GLYATL2: variants seen among roughly 807,000 people sequenced by gnomAD.
GLYATL2 encodes glycine N-acyltransferase-like protein 2.
A neutral mutation model predicts 21.4 loss-of-function variants in GLYATL2; 25 were observed. The observed-to-expected ratio is 1.17, with a 90% CI of 0.85 to 1.63. GLYATL2 has a LOEUF of 1.63. Among genes scored for constraint, GLYATL2 ranks in the 40% most tolerant of loss-of-function variants. The pLI is 0.00. For synonymous variants in GLYATL2, 114 were observed against 118.2 expected (o/e 0.96, Z 0.23); for missense variants, 361 against 343.3 (o/e 1.05, Z -0.41).
upstream of GLYATL2, among the ~76,000 whole-genome samples, chr11:58,906,221 TG>T (rs1271583225): frequency 6.6e-6 from 1 of 152,150 alleles, no homozygotes; most frequent in Admixed American, 6.5e-5. Context: ...GATGGGGAGC[TG>T]GGCCCCGCCC....
intron 5 of GLYATL2, among the ~76,000 whole-genome samples, chr11:58,836,008 T>C (rs1853424372): frequency 1.3e-5 from 2 of 152,114 alleles, no homozygotes; most frequent in African/African-American, 4.8e-5. Flanking sequence ...ATTTTTTCAA[T>C]TAGTAATACA....
Position 58,838,351 on chromosome 11 carries a change from G to T in GLYATL2, c.96C>A (p.Phe32Leu). 1 of 1,611,930 alleles carries T rather than the reference G, an allele frequency of 6.2e-7. No individual in the cohort carries two copies. The highest frequency in any genetic ancestry group is 1.1e-5 in the South Asian group (1 of 90,998). The stretch of plus-strand genomic sequence containing the variant: ...TGAAAGGGTTTTTATCTTTTATGTT[G>T]AAAATGGCGCCATATACCTACGATG... ...PESIKVYGAI[F>L]NIKDKNPFNM... Residue 32 changes from phenylalanine to leucine, a missense_variant, in exon 3 of 6, where the codon TTC becomes TTA. Transcript: ENST00000287275.
At chr11:58,842,560 C>T (rs1486525174) in intron 1 of GLYATL2, among the ~76,000 whole-genome samples, 4 of 150,324 alleles carry the variant, frequency 2.7e-5, no homozygotes, top group African/African-American at 9.8e-5. Flanking sequence ...GGGTGGGTTC[C>T]TGCCTTGTGC....
upstream of GLYATL2, among the ~76,000 whole-genome samples, chr11:58,847,522 G>C (rs1278625253): frequency 6.6e-6 from 1 of 152,174 alleles, no homozygotes; most frequent in Non-Finnish European, 1.5e-5. Flanking sequence ...TGATTTAAGA[G>C]CCCTTAGGCC....
intron 1 of GLYATL2, among the ~76,000 whole-genome samples, chr11:58,850,306 T>A (rs1853716726): frequency 6.6e-6 from 1 of 152,120 alleles, no homozygotes; most frequent in Admixed American, 6.6e-5. Context: ...GGATGTTGAA[T>A]CTTATCAAAT....
At chr11:58,851,964 G>A (rs1156388731) in intron 1 of GLYATL2, among the ~76,000 whole-genome samples, 1 of 152,180 alleles carries the variant, frequency 6.6e-6, no homozygotes, top group African/African-American at 2.4e-5. Flanking sequence ...GCAGAATTTG[G>A]TCATTGATTG....
At chr11:58,859,388 T>C (rs1460823847) in intron 1 of GLYATL2, among the ~76,000 whole-genome samples, 1 of 151,898 alleles carries the variant, frequency 6.6e-6, no homozygotes, top group Non-Finnish European at 1.5e-5. Flanking sequence ...TTAAGATTAT[T>C]ATAAACTAGC....
At chr11:58,877,608 G>C (rs1341362133) in intron 1 of GLYATL2, among the ~76,000 whole-genome samples, 1 of 152,214 alleles carries the variant, frequency 6.6e-6, no homozygotes, top group Admixed American at 6.5e-5. Context: ...CCAAGAGAGT[G>C]TGCTGTCTTG....
intron 1 of GLYATL2, among the ~76,000 whole-genome samples, chr11:58,867,409 A>G (rs1223132182): frequency 6.7e-6 from 1 of 148,694 alleles, no homozygotes; most frequent in Non-Finnish European, 1.5e-5. Context: ...CCATTGGGTG[A>G]TAACATTAGA....
At chr11:58,857,699 G>A (rs1332310741) in intron 1 of GLYATL2, among the ~76,000 whole-genome samples, 1 of 152,022 alleles carries the variant, frequency 6.6e-6, no homozygotes, top group African/African-American at 2.4e-5. Context: ...CACTGGACTA[G>A]CACTTTTAAT....
At position 58,834,721 on chromosome 11, in the gene GLYATL2, T is replaced by C. The variant is rs765204400; in HGVS notation, c.593A>G (p.Asp198Gly). 6.2e-7 allele frequency: 1 copy of C among 1,613,708 alleles called. No homozygotes were observed. The highest frequency in any genetic ancestry group is 8.5e-7 in the Non-Finnish European group (1 of 1,179,984). Residue 198 changes from aspartate to glycine, a missense_variant, in exon 6 of 6, where the codon GAT (aspartate) becomes GGT (glycine). Physicochemically the swap from Asp to Gly is moderately conservative, Grantham distance 94. Transcript: ENST00000287275. ...ACCCAGCACACCAAATCCTAGAAAA[T>C]CCTGGAGGCAGCGTTCAATATATTT... ...SLKYIERCLQ[D>G]FLGFGVLGPE...
chr11:58,869,670 A>G (rs1854083082), intron 1 of GLYATL2, among the ~76,000 whole-genome samples: 1 of 152,244 alleles, frequency 6.6e-6, no homozygotes. Context: ...TGGCTTAAAA[A>G]TAAAAGAGCA....
At chr11:58,890,698 C>A (rs558486532) in intron 1 of GLYATL2, among the ~76,000 whole-genome samples, 58 of 151,854 alleles carry the variant, frequency 3.8e-4, no homozygotes, top group African/African-American at 1.3e-3. Flanking sequence ...AAATATGTTG[C>A]CTTGGAGTAG....
At chr11:58,909,582 C>T in the GLYATL2 span, among the ~76,000 whole-genome samples, 1 of 152,160 alleles carries the variant, frequency 6.6e-6, no homozygotes, top group African/African-American at 2.4e-5. Flanking sequence ...TAACATTTCA[C>T]TTGTGTATCA....
chr11:58,850,343 G>A (rs778211112), intron 1 of GLYATL2, among the ~76,000 whole-genome samples: 4 of 152,078 alleles, frequency 2.6e-5, no homozygotes, highest in African/African-American at 9.7e-5. Context: ...TAAGCCACCT[G>A]AGGCAAGAGA....
chr11:58,853,638 C>A (rs1367580401), intron 1 of GLYATL2, among the ~76,000 whole-genome samples: 1 of 152,224 alleles, frequency 6.6e-6, no homozygotes, highest in South Asian at 2.1e-4. Context: ...TGAAACAAAT[C>A]TATGTCCTTA....
intron 1 of GLYATL2, among the ~76,000 whole-genome samples, chr11:58,865,623 G>A (rs1854010338): frequency 6.7e-6 from 1 of 149,016 alleles, no homozygotes; most frequent in South Asian, 2.1e-4. Context: ...CCAGGACTTA[G>A]TTTCTTGAGA....
intron 1 of GLYATL2, among the ~76,000 whole-genome samples, chr11:58,857,404 G>T (rs988747553): frequency 1.3e-5 from 2 of 152,188 alleles, no homozygotes; most frequent in South Asian, 2.1e-4. Flanking sequence ...GCTTCCCTGG[G>T]TGATTCTGGG....
intron 1 of GLYATL2, among the ~76,000 whole-genome samples, chr11:58,868,771 T>A (rs1009296079): frequency 6.7e-6 from 1 of 149,018 alleles, no homozygotes; most frequent in Admixed American, 6.9e-5. Context: ...CTTAACCATG[T>A]TCCTGATTAC....
Sources: gnomAD v4.1 joint callset for allele counts (sites outside exome capture counted in the v4.1 genomes callset) on GRCh38, gnomAD v4.1.1 for gene constraint, MANE v1.5 for transcripts, NCBI Gene and HGNC (gene_info 2026-07-23, HGNC 2026-07-21) for gene names.